The following SLC44A1 variants were observed in gnomAD, a reference collection of about 807,000 sequenced individuals.
SLC44A1 encodes solute carrier family 44 member 1, also known as choline transporter-like protein 1.
In SLC44A1, 26 loss-of-function variants were observed where a neutral mutation model predicts 79.3. That is an observed-to-expected ratio of 0.33 (90% CI 0.24 to 0.46). SLC44A1 has a LOEUF of 0.46. SLC44A1 is among the 20% of genes least tolerant of loss of function. SLC44A1 has a pLI of 1.00. For missense variants in SLC44A1, 688 were observed against 798.1 expected, an observed-to-expected ratio of 0.86 and a Z score of 1.66; for synonymous variants, 263 against 286.2, an observed-to-expected ratio of 0.92 and a Z score of 0.82.
At chr9:105,276,296 G>A (rs1377956420) in intron 1 of SLC44A1, among the ~76,000 whole-genome samples, 1 of 152,084 alleles carries the variant, frequency 6.6e-6, no homozygotes, top group Non-Finnish European at 1.5e-5. Context: ...TTGGATTTGT[G>A]AAGATTAAGG....
intron 15 of SLC44A1, among the ~76,000 whole-genome samples, chr9:105,405,676 A>G (rs780404338): frequency 1.3e-5 from 2 of 152,004 alleles, no homozygotes; most frequent in African/African-American, 2.4e-5. Flanking sequence ...TGTGTTTTGA[A>G]TTGTCTGGTG....
chr9:105,255,614 C>T (rs1225264961), intron 1 of SLC44A1, among the ~76,000 whole-genome samples: 1 of 152,164 alleles, frequency 6.6e-6, no homozygotes, highest in Non-Finnish European at 1.5e-5. Flanking sequence ...CTAAATGGTC[C>T]TGCCTTAGTC....
intron 15 of SLC44A1, among the ~76,000 whole-genome samples, chr9:105,437,232 A>C (rs952583983): frequency 6.6e-6 from 1 of 152,104 alleles, no homozygotes; most frequent in Non-Finnish European, 1.5e-5. Flanking sequence ...ATTTTACCCC[A>C]TATGCTCATC....
At position 105,392,674 on chromosome 9, in the gene SLC44A1, C is replaced by T. The variant is rs915488129; in HGVS notation, c.*3618C>T. ...ATATGTGTGAGGCCACATCACTGCC[C>T]CTGAGGCTTCAACTATTTCCACCAT... is the stretch of plus-strand genomic sequence containing the variant. On this transcript the variant is annotated 3_prime_UTR_variant, in exon 16 of 16. Coordinates refer to ENST00000374720, the MANE Select transcript of SLC44A1 (RefSeq NM_080546.5). 4 of 982,252 alleles carry T rather than the reference C, an allele frequency of 4.1e-6. No homozygotes were observed. The highest frequency in any genetic ancestry group is 4.8e-6 in the Non-Finnish European group (4 of 829,758). 60.8% of individuals were successfully genotyped at this position (982,252 alleles called of 1,614,324 possible).
chr9:105,245,014 C>A, intron 1 of SLC44A1, 110 bp downstream of exon 1: 1 of 386,646 alleles, frequency 2.6e-6, no homozygotes, highest in Non-Finnish European at 4.0e-6. Context: ...CTCCCCTGAG[C>A]GCACCGTGCA....
At chr9:105,246,086 A>AG (rs1040721276) in intron 1 of SLC44A1, among the ~76,000 whole-genome samples, 1 of 152,096 alleles carries the variant, frequency 6.6e-6, no homozygotes, top group Non-Finnish European at 1.5e-5. Flanking sequence ...TGTTTGTTTT[A>AG]GGGGGCAGAA....
rs1564455784 is a variant in SLC44A1 at position 105,356,344 on chromosome 9, CA to C, written c.636del (p.Glu213LysfsTer11). The C allele has an allele frequency of 6.2e-7, 1 of 1,606,184 alleles. No individual in the cohort carries two copies. The highest frequency in any genetic ancestry group is 8.5e-7 in the Non-Finnish European group (1 of 1,176,730). ...GGCTGATTAGTGGAGTAATGACCAGCAAAGAAATTATATTGGGACTTTGCTT... is the reference window on the plus strand; with the variant it reads ...GGCTGATTAGTGGAGTAATGACCAGCAAGAAATTATATTGGGACTTTGCTT... ...HRLISGVMTSKEIILGLCLLS... is the reference protein window; with the variant it reads ...HRLISGVMTSXEIILGLCLLS... On this transcript the variant is annotated frameshift_variant, in exon 6 of 16. Coordinates refer to ENST00000374720, the MANE Select transcript of SLC44A1 (RefSeq NM_080546.5). LOFTEE classifies it high-confidence loss of function.
intron 12 of SLC44A1, among the ~76,000 whole-genome samples, chr9:105,372,144 T>C (rs76664326): frequency 0.018 from 2,796 of 152,288 alleles, 85 homozygotes; most frequent in African/African-American, 0.064. Flanking sequence ...AAACACTTAG[T>C]ATGATTTCTT....
intron 4 of SLC44A1, among the ~76,000 whole-genome samples, chr9:105,345,571 T>TA (rs1249270891): frequency 6.6e-6 from 1 of 152,086 alleles, no homozygotes; most frequent in East Asian, 1.9e-4. Context: ...GCCTTGGAAA[T>TA]ATTACTTTTT....
downstream of SLC44A1, among the ~76,000 whole-genome samples, chr9:105,397,855 G>A (rs1828905388): frequency 6.6e-6 from 1 of 152,140 alleles, no homozygotes; most frequent in African/African-American, 2.4e-5. Flanking sequence ...GACTGAGGCA[G>A]GAGAATGGCC....
At chr9:105,397,816 C>A (rs1828904455), downstream of SLC44A1, among the ~76,000 whole-genome samples, 1 of 151,854 alleles carries the variant, frequency 6.6e-6, no homozygotes, top group African/African-American at 2.4e-5. Flanking sequence ...GGCGTGGTGG[C>A]GGGCGCCTGT....
intron 13 of SLC44A1, among the ~76,000 whole-genome samples, chr9:105,378,386 A>T (rs1028240948): frequency 3.3e-5 from 5 of 152,188 alleles, no homozygotes; most frequent in African/African-American, 1.2e-4. Context: ...CATTTATTTA[A>T]TCAATCCTCA....
At chr9:105,344,343 T>C (rs1827184765) in intron 4 of SLC44A1, among the ~76,000 whole-genome samples, 1 of 152,166 alleles carries the variant, frequency 6.6e-6, no homozygotes, top group Non-Finnish European at 1.5e-5. Flanking sequence ...TAAAAGTGCT[T>C]TTGCCTCCTC....
At chr9:105,360,333 C>T (rs1827742947) in intron 7 of SLC44A1, among the ~76,000 whole-genome samples, 1 of 152,208 alleles carries the variant, frequency 6.6e-6, no homozygotes, top group African/African-American at 2.4e-5. Context: ...CTATATCCTT[C>T]TTACCAGGAG....
At chr9:105,363,717 G>A (rs1006139195) in intron 9 of SLC44A1, among the ~76,000 whole-genome samples, 35 of 152,236 alleles carry the variant, frequency 2.3e-4, no homozygotes, top group Admixed American at 7.2e-4. Context: ...CATCCACCTC[G>A]GCCTCCCAAA....
At chr9:105,375,934 A>G (rs1353583817) in intron 13 of SLC44A1, among the ~76,000 whole-genome samples, 1 of 152,134 alleles carries the variant, frequency 6.6e-6, no homozygotes, top group African/African-American at 2.4e-5. Context: ...CTATAGTATA[A>G]CAATCATAGC....
intron 1 of SLC44A1, among the ~76,000 whole-genome samples, chr9:105,281,798 G>A (rs1335225716): frequency 1.3e-5 from 2 of 152,170 alleles, no homozygotes; most frequent in East Asian, 3.8e-4. Flanking sequence ...GGACTTTGTG[G>A]AAAGAAGCAG....
At chr9:105,313,480 C>T (rs1219790288) in intron 3 of SLC44A1, among the ~76,000 whole-genome samples, 1 of 152,178 alleles carries the variant, frequency 6.6e-6, no homozygotes, top group Non-Finnish European at 1.5e-5. Flanking sequence ...GGGATTTCAT[C>T]TGAGGCTCAG....
At chr9:105,370,477 G>A (rs887621301) in intron 12 of SLC44A1, among the ~76,000 whole-genome samples, 1 of 152,144 alleles carries the variant, frequency 6.6e-6, no homozygotes, top group African/African-American at 2.4e-5. Flanking sequence ...AAATTTCTCA[G>A]AGGGGTGGAG....
Sources: allele counts gnomAD v4.1 joint callset (sites outside exome capture counted in the v4.1 genomes callset), GRCh38; gene constraint gnomAD v4.1.1; transcripts MANE v1.5; gene names NCBI Gene and HGNC (gene_info 2026-07-23, HGNC 2026-07-21).